Variants in SMYD3 observed in about 807,000 individuals in gnomAD.
The protein encoded by SMYD3 is SET and MYND domain containing 3.
Under a neutral mutation model 57.7 loss-of-function variants are expected in SMYD3, and 36 were observed. The observed-to-expected ratio is 0.62, with a 90% confidence interval of 0.48 to 0.82. The LOEUF is 0.82. SMYD3 is among the 40% of genes least tolerant of loss of function. SMYD3 has a pLI of 0.00. For missense variants in SMYD3, 515 were observed against 538.8 expected (o/e 0.96, Z 0.44); for synonymous variants, 211 against 195.0 (o/e 1.08, Z -0.68).
intron 10 of SMYD3, among the ~76,000 whole-genome samples, chr1:245,820,760 C>G (rs2049115244): frequency 6.6e-6 from 1 of 150,722 alleles, no homozygotes; most frequent in Non-Finnish European, 1.5e-5. Context: ...AACAGACAAA[C>G]AGAGAGCCAA....
chr1:245,769,942 C>T (rs2046269480), intron 10 of SMYD3, among the ~76,000 whole-genome samples: 1 of 152,044 alleles, frequency 6.6e-6, no homozygotes, highest in East Asian at 1.9e-4. Context: ...CACAGCTGGC[C>T]CTGCATATCC....
intron 10 of SMYD3, among the ~76,000 whole-genome samples, chr1:245,833,042 C>T (rs2049924738): frequency 1.1e-5 from 1 of 93,038 alleles, no homozygotes; most frequent in Non-Finnish European, 2.2e-5. Context: ...CCTTTAATTA[C>T]TGCCCGGAAT....
At chr1:246,406,900 T>G (rs2066874680) in intron 1 of SMYD3, among the ~76,000 whole-genome samples, 1 of 152,334 alleles carries the variant, frequency 6.6e-6, no homozygotes, top group Non-Finnish European at 1.5e-5. Flanking sequence ...GGTAATATTA[T>G]TATAGTTTAT....
At chr1:246,153,020 T>C (rs566227997) in intron 5 of SMYD3, among the ~76,000 whole-genome samples, 3 of 152,170 alleles carry the variant, frequency 2.0e-5, no homozygotes, top group Non-Finnish European at 4.4e-5. Flanking sequence ...TCAACATATC[T>C]GATGTCCAAT....
At chr1:246,233,708 T>C (rs2063463415) in intron 5 of SMYD3, among the ~76,000 whole-genome samples, 3 of 137,536 alleles carry the variant, frequency 2.2e-5, no homozygotes, top group Non-Finnish European at 4.6e-5. Context: ...GTGATGAACA[T>C]ATACCACACA....
At chr1:245,869,517 A>G (rs2052059443) in intron 8 of SMYD3, among the ~76,000 whole-genome samples, 1 of 152,238 alleles carries the variant, frequency 6.6e-6, no homozygotes, top group Admixed American at 6.5e-5. Context: ...TCTTTTGCAC[A>G]GCCCCGGAGA....
At chr1:246,076,011 T>A (rs918018300) in intron 5 of SMYD3, among the ~76,000 whole-genome samples, 5 of 149,374 alleles carry the variant, frequency 3.3e-5, no homozygotes, top group African/African-American at 1.2e-4. Context: ...ACAATAAAAA[T>A]TTTTTTCATG....
intron 5 of SMYD3, among the ~76,000 whole-genome samples, chr1:246,179,862 T>C (rs2062505759): frequency 6.6e-6 from 1 of 152,188 alleles, no homozygotes; most frequent in Non-Finnish European, 1.5e-5. Flanking sequence ...TGGTTTTTGC[T>C]GTTCCTTGTT....
intron 10 of SMYD3, among the ~76,000 whole-genome samples, chr1:245,839,529 C>G (rs972233353): frequency 6.6e-6 from 1 of 151,734 alleles, no homozygotes; most frequent in South Asian, 2.1e-4. Context: ...CCTGGGGAGG[C>G]GGGGGCGACA....
At chr1:245,855,936 TC>T (rs1207282959) in intron 10 of SMYD3, among the ~76,000 whole-genome samples, 1 of 152,334 alleles carries the variant, frequency 6.6e-6, no homozygotes, top group East Asian at 1.9e-4. Context: ...AATGCAATCA[TC>T]CCTTGGTAAC....
chr1:246,166,562 T>C (rs2148221567), intron 5 of SMYD3, among the ~76,000 whole-genome samples: 2 of 152,304 alleles, frequency 1.3e-5, no homozygotes, highest in Non-Finnish European at 2.9e-5. Flanking sequence ...CTGTTAATTC[T>C]TAAAGGCTGT....
At chr1:246,142,640 T>C (rs1402298956) in intron 5 of SMYD3, among the ~76,000 whole-genome samples, 1 of 152,182 alleles carries the variant, frequency 6.6e-6, no homozygotes, top group Non-Finnish European at 1.5e-5. Flanking sequence ...ATCATGCTTC[T>C]CAGAACAGTG....
intron 1 of SMYD3, among the ~76,000 whole-genome samples, chr1:246,384,522 A>G (rs1488477278): frequency 1.3e-4 from 19 of 151,956 alleles, no homozygotes; most frequent in Admixed American, 3.3e-4. Context: ...CAGCCTCCCA[A>G]GAAGCTGGGA....
At chr1:246,481,823 G>T (rs1313248829) in intron 1 of SMYD3, among the ~76,000 whole-genome samples, 4 of 150,314 alleles carry the variant, frequency 2.7e-5, no homozygotes, top group African/African-American at 9.8e-5. Flanking sequence ...ATACTCTACT[G>T]GTTTCTCTGG....
intron 10 of SMYD3, among the ~76,000 whole-genome samples, chr1:245,846,319 T>C (rs186636629): frequency 3.9e-5 from 6 of 152,310 alleles, no homozygotes; most frequent in African/African-American, 1.4e-4. Context: ...AGGCAACAGA[T>C]TCTACTCTGC....
chr1:246,031,056 CCAGA>C lies in SMYD3; in HGVS notation c.532-101123_532-101120del, dbSNP rs774693844. On this transcript the variant is annotated intron_variant, in intron 5 of 11. Transcript: ENST00000490107. ...CTGATGTATTACAAGCTTCTTATTC[CCAGA>C]CAAACTTAGTATGGAATCACCTGCC... Among the ~76,000 whole-genome samples the C allele has an allele frequency of 4.6e-5, 7 of 152,170 alleles. No individual in the cohort carries two copies. The East Asian group carries it at 7.7e-4, about 17-fold the overall frequency.
intron 5 of SMYD3, among the ~76,000 whole-genome samples, chr1:246,171,353 T>G (rs12141840): frequency 0.071 from 10,771 of 152,266 alleles, 536 homozygotes; most frequent in African/African-American, 0.13. Flanking sequence ...TTGCATATCC[T>G]TTTGCTTTAA....
chr1:245,893,923 G>T (rs977395663), intron 8 of SMYD3, among the ~76,000 whole-genome samples: 6 of 152,206 alleles, frequency 3.9e-5, no homozygotes, highest in African/African-American at 1.4e-4. Flanking sequence ...GCATAGTGAA[G>T]AGGTTAGGGC....
At chr1:246,178,037 C>T (rs1191155159) in intron 5 of SMYD3, among the ~76,000 whole-genome samples, 1 of 152,168 alleles carries the variant, frequency 6.6e-6, no homozygotes, top group Non-Finnish European at 1.5e-5. Flanking sequence ...TTATGACACA[C>T]AAGGTAATTT....
Sources: allele counts gnomAD v4.1 joint callset (sites outside exome capture counted in the v4.1 genomes callset), GRCh38; gene constraint gnomAD v4.1.1; transcripts MANE v1.5; gene names NCBI Gene and HGNC (gene_info 2026-07-23, HGNC 2026-07-21).